The following FOXP1 variants were observed in gnomAD, a reference collection of about 807,000 sequenced individuals.
FOXP1 encodes the protein forkhead box P1.
Under a neutral mutation model 98.2 loss-of-function variants are expected in FOXP1, and 15 were observed. The ratio of observed to expected loss-of-function variants is 0.15; its 90% CI spans 0.10 to 0.24. FOXP1 has a LOEUF of 0.24. Among genes scored for constraint, FOXP1 ranks in the 10% least tolerant of loss-of-function variants. FOXP1 has a pLI of 1.00. For synonymous variants in FOXP1, 371 were observed against 314.5 expected (o/e 1.18, Z -1.90); for missense variants, 633 against 848.5 (o/e 0.75, Z 3.15).
intron 3 of FOXP1, among the ~76,000 whole-genome samples, chr3:71,481,769 C>T (rs1395938037): frequency 6.6e-6 from 1 of 152,116 alleles, no homozygotes; most frequent in Non-Finnish European, 1.5e-5. Context: ...GAGAAACACC[C>T]ATTTCATTTC....
chr3:71,272,877 T>TA (rs1290274658), intron 5 of FOXP1, among the ~76,000 whole-genome samples: 1 of 152,150 alleles, frequency 6.6e-6, no homozygotes, highest in Admixed American at 6.5e-5. Flanking sequence ...AGCTCAGGTC[T>TA]AGCTTATTTC....
At chr3:71,494,978 G>A (rs534089596) in intron 2 of FOXP1, among the ~76,000 whole-genome samples, 14 of 152,178 alleles carry the variant, frequency 9.2e-5, no homozygotes, top group African/African-American at 3.4e-4. Context: ...GGCTGAAGTT[G>A]TTTACCATCT....
rs1021974092 is a variant in FOXP1 at position 70,957,524 on chromosome 3, A to G, written c.*1723T>C. 1.3e-5 allele frequency: 3 copies of G among 231,364 alleles called. No homozygotes were observed. Among genetic ancestry groups the G allele is most frequent in the Non-Finnish European group, 1.7e-5 (2 of 116,652 alleles). The allele number at this position is 231,364 out of a possible 1,614,324, so 14.3% of individuals were successfully genotyped here. On this transcript the variant is annotated 3_prime_UTR_variant, in exon 21 of 21. Coordinates refer to ENST00000649528, the MANE Select transcript of FOXP1 (RefSeq NM_001349338.3). ...TTTGTGTAATATCTTTGGTAATTTT[A>G]GAAAAAAGGTACAAAGAAAGAATAT...
At chr3:71,431,233 G>A (rs182009019) in intron 3 of FOXP1, among the ~76,000 whole-genome samples, 2 of 152,220 alleles carry the variant, frequency 1.3e-5, no homozygotes, top group East Asian at 1.9e-4. Context: ...TTCAGTGGCC[G>A]TTCTCTGGTT....
intron 6 of FOXP1, among the ~76,000 whole-genome samples, chr3:71,145,572 A>T (rs2060270863): frequency 6.6e-6 from 1 of 152,146 alleles, no homozygotes; most frequent in Non-Finnish European, 1.5e-5. Context: ...AAACAAAAAA[A>T]ACTGCCCAGC....
intron 4 of FOXP1, among the ~76,000 whole-genome samples, chr3:71,325,171 G>T (rs546649125): frequency 6.6e-6 from 1 of 151,114 alleles, no homozygotes; most frequent in African/African-American, 2.4e-5. Context: ...TCCCACCTCA[G>T]TCTCCCAAGT....
At chr3:71,224,575 T>C (rs952481778) in intron 5 of FOXP1, among the ~76,000 whole-genome samples, 1 of 152,094 alleles carries the variant, frequency 6.6e-6, no homozygotes, top group Admixed American at 6.5e-5. Context: ...TCAGAAAACA[T>C]ACACAGCAAA....
At chr3:70,985,958 T>A (rs1339314510) in intron 14 of FOXP1, among the ~76,000 whole-genome samples, 2 of 152,136 alleles carry the variant, frequency 1.3e-5, no homozygotes, top group African/African-American at 2.4e-5. Flanking sequence ...AATTTTTCAG[T>A]CAAAAATATT....
rs557812253 is a variant in FOXP1, at chr3:70,954,791, AT to A, written c.*4455del. Reference sequence around the variant, plus strand: ...CAGTAATTAGTACTGACTACACAACATTTTTTTTATTGTCTGTATCCGCAGA... The same window carrying A: ...CAGTAATTAGTACTGACTACACAACATTTTTTTATTGTCTGTATCCGCAGA... On this transcript the variant is annotated 3_prime_UTR_variant, in exon 21 of 21. Transcript: ENST00000649528. 6 of 230,720 alleles carry A rather than the reference AT, an allele frequency of 2.6e-5. No homozygotes were observed. The highest frequency in any genetic ancestry group is 5.7e-5 in the Admixed American group (1 of 17,670). 14.3% of individuals were successfully genotyped at this position (230,720 alleles called of 1,614,324 possible). A position where few individuals can be genotyped will look rare whatever the true frequency, so the allele number is the denominator to read the frequency against.
At chr3:71,507,583 T>C (rs1202255501) in intron 2 of FOXP1, among the ~76,000 whole-genome samples, 4 of 137,964 alleles carry the variant, frequency 2.9e-5, no homozygotes, top group South Asian at 4.4e-4. Flanking sequence ...GCAAAACTGC[T>C]TTTTTTTTTT....
rs561488309 is a variant in FOXP1, at chr3:71,124,210, A to G, written c.181-11573T>C. Among the ~76,000 whole-genome samples the G allele has an allele frequency of 3.0e-4, 45 of 152,124 alleles. 3 individuals are homozygous for G. Among genetic ancestry groups the G allele is most frequent in the African/African-American group, 1.0e-3 (43 of 41,558 alleles). ...TAGTTTTTCACAAATATTTTAAAAC[A>G]AAGTCATTTCTATTTGTGTGTACCT... On this transcript the variant is annotated intron_variant, in intron 6 of 20. Transcript: ENST00000649528.
chr3:71,471,537 T>C (rs2089346727), intron 3 of FOXP1, among the ~76,000 whole-genome samples: 1 of 152,164 alleles, frequency 6.6e-6, no homozygotes, highest in Non-Finnish European at 1.5e-5. Context: ...CCACAAAGGA[T>C]TCAAAACAAC....
chr3:71,399,815 C>A (rs577343811), intron 3 of FOXP1, among the ~76,000 whole-genome samples: 1 of 152,298 alleles, frequency 6.6e-6, no homozygotes, highest in Admixed American at 6.5e-5. Context: ...TCTTACAAAC[C>A]TTCATTTTAC....
In FOXP1 at chr3:70,972,598, C is replaced by T. The variant is rs2036499351; in HGVS notation, c.1609G>A (p.Asp537Asn). The T allele has an allele frequency of 6.2e-7, 1 of 1,614,202 alleles. No homozygotes were observed. The change falls in exon 18 of 21, where the codon GAT (aspartate) becomes AAT (asparagine). Residue 537 changes from aspartate to asparagine, a missense_variant. By Grantham distance (23) the Asp-to-Asn change is conservative (BLOSUM62 1). Around this residue, in one of 6 missense-constraint regions of FOXP1, gnomAD observed 6 missense variants for 36.3 expected, o/e 0.17. Coordinates refer to ENST00000649528, the MANE Select transcript of FOXP1 (RefSeq NM_001349338.3). ...ENVKGAVWTV[D>N]EVEFQKRRPQ... is the part of the protein sequence containing the mutation. The stretch of plus-strand genomic sequence containing the variant: ...CTTCGTTTTTGGAATTCTACTTCAT[C>T]CACTGTCCATACTGCCCCTTTAACG...
intron 3 of FOXP1, among the ~76,000 whole-genome samples, chr3:71,371,411 C>A (rs1259552654): frequency 1.3e-5 from 2 of 152,300 alleles, no homozygotes; most frequent in Non-Finnish European, 2.9e-5. Context: ...CCTGACACCG[C>A]AATCCATTCC....
intron 3 of FOXP1, among the ~76,000 whole-genome samples, chr3:71,379,704 C>G (rs1434099526): frequency 6.6e-6 from 1 of 152,162 alleles, no homozygotes; most frequent in East Asian, 1.9e-4. Flanking sequence ...TTTGTTGGGA[C>G]ACCACCATTC....
At chr3:71,426,976 G>T (rs574382647) in intron 3 of FOXP1, among the ~76,000 whole-genome samples, 2 of 150,708 alleles carry the variant, frequency 1.3e-5, no homozygotes, top group Non-Finnish European at 2.9e-5. Flanking sequence ...CAGGAGAATC[G>T]TTTGAACCTG....
intron 11 of FOXP1, among the ~76,000 whole-genome samples, chr3:71,040,125 G>T (rs1250528425): frequency 6.6e-6 from 1 of 151,628 alleles, no homozygotes; most frequent in East Asian, 1.9e-4. Context: ...CTCTGTGTGT[G>T]TGTGTGTATC....
chr3:71,290,819 G>A (rs2072670344), intron 5 of FOXP1, among the ~76,000 whole-genome samples: 1 of 152,098 alleles, frequency 6.6e-6, no homozygotes, highest in Admixed American at 6.5e-5. Context: ...GGGATTTTGG[G>A]GTTAAGGATG....
Sources: allele counts gnomAD v4.1 joint callset (sites outside exome capture counted in the v4.1 genomes callset), GRCh38; gene constraint gnomAD v4.1.1; regional missense constraint gnomAD v4.1.1; transcripts MANE v1.5; gene names NCBI Gene and HGNC (gene_info 2026-07-23, HGNC 2026-07-21).